ZNF592: variants seen among roughly 807,000 people sequenced by gnomAD.
ZNF592 encodes the protein zinc finger protein 592.
ZNF592 carries 11 observed loss-of-function variants against 80.3 expected under a neutral mutation model. The ratio of observed to expected loss-of-function variants is 0.14; its 90% CI spans 0.09 to 0.23. The LOEUF (loss-of-function observed/expected upper bound fraction) is 0.23, where lower values mean the gene tolerates loss of function less well. Ranked by LOEUF, ZNF592 falls within the 10% of genes least tolerant of loss-of-function variation. The pLI is 1.00. For missense variants in ZNF592, 1,420 were observed against 1,633.9 expected (o/e 0.87, Z 2.26); for synonymous variants, 646 against 640.3 (o/e 1.01, Z -0.13).
At chr15:84,782,282 G>A (rs1459898372) in intron 3 of ZNF592, among the ~76,000 whole-genome samples, 1 of 152,206 alleles carries the variant, frequency 6.6e-6, no homozygotes, top group East Asian at 1.9e-4. Flanking sequence ...TCTAAAGGCT[G>A]GAAGTGCTAA....
chr15:84,795,945 G>A (rs1044176738), intron 5 of ZNF592, among the ~76,000 whole-genome samples: 2 of 151,966 alleles, frequency 1.3e-5, no homozygotes, highest in South Asian at 2.1e-4. Flanking sequence ...TATGTGGGCC[G>A]TGAAAATGTA....
intron 4 of ZNF592, among the ~76,000 whole-genome samples, chr15:84,789,883 A>G (rs1050169513): frequency 6.6e-6 from 1 of 152,160 alleles, no homozygotes; most frequent in Non-Finnish European, 1.5e-5. Flanking sequence ...TCCAGCATGC[A>G]GGCACCAGCG....
At chr15:84,757,226 G>A (rs1204712040) in intron 1 of ZNF592, among the ~76,000 whole-genome samples, 1 of 152,060 alleles carries the variant, frequency 6.6e-6, no homozygotes, top group Admixed American at 6.6e-5. Flanking sequence ...AAAGTGCTGG[G>A]ATTACAGGCA....
chr15:84,756,360 C>A (rs1014590583), intron 1 of ZNF592, among the ~76,000 whole-genome samples: 1 of 152,260 alleles, frequency 6.6e-6, no homozygotes, highest in Non-Finnish European at 1.5e-5. Flanking sequence ...CAACATTCTA[C>A]TTTTTTGTCA....
rs542786785 is a variant in ZNF592, at chr15:84,799,599, C to T, written c.3138-243C>T. Among the ~76,000 whole-genome samples, 4 of 152,292 alleles carry T rather than the reference C, an allele frequency of 2.6e-5. No individual in the cohort carries two copies. Among genetic ancestry groups the T allele is most frequent in the Admixed American group, 6.5e-5 (1 of 15,306 alleles). Reference sequence around the variant, plus strand: ...CTAGCCTAGCACTTGGGTCTCTGGGCGGTGACATCAGGTAGTGTTCAGTGA... The same window carrying T: ...CTAGCCTAGCACTTGGGTCTCTGGGTGGTGACATCAGGTAGTGTTCAGTGA... On this transcript the variant is annotated intron_variant, in intron 9 of 10. Coordinates refer to ENST00000560079, the MANE Select transcript of ZNF592 (RefSeq NM_014630.3). The surrounding 1 kb of genome is among the most constrained non-coding windows in gnomAD (Gnocchi z 4.2).
In ZNF592 at chr15:84,798,683, T is replaced by C; in HGVS notation, c.2832T>C (p.Thr944=). 2 of 1,613,454 alleles carry C rather than the reference T, an allele frequency of 1.2e-6. No homozygotes were observed. Among genetic ancestry groups the C allele is most frequent in the Middle Eastern group, 1.7e-4 (1 of 6,060 alleles). ...GCCGCCCTGGCTCTCGAGTTCCCAC[T>C]GAGCCACCAGCCACTAGTGTGGCTG... The part of the protein sequence containing the change: ...SSSRPGSRVP[T]EPPATSVAAR... Residue 944 remains threonine, a synonymous_variant, in exon 8 of 11, where the codon ACT becomes ACC. Transcript: ENST00000560079. The surrounding 1 kb of genome is among the most constrained non-coding windows in gnomAD (Gnocchi z 4.5).
At chr15:84,791,151 A>G (rs948602805) in intron 5 of ZNF592, among the ~76,000 whole-genome samples, 2 of 152,250 alleles carry the variant, frequency 1.3e-5, no homozygotes, top group African/African-American at 4.8e-5. Context: ...TACTTTGTCT[A>G]TTTGGTTTTA....
Position 84,795,388 on chromosome 15 carries a change from T to C in ZNF592, c.2400-2481T>C, listed in dbSNP as rs954255529. Among the ~76,000 whole-genome samples the C allele has an allele frequency of 3.3e-5, 5 of 152,274 alleles. No individual in the cohort carries two copies. The South Asian group carries it at 8.3e-4, about 25-fold the overall frequency. On this transcript the variant is annotated intron_variant, in intron 5 of 10. Coordinates refer to ENST00000560079, the MANE Select transcript of ZNF592 (RefSeq NM_014630.3). The stretch of plus-strand genomic sequence containing the variant: ...TTGGCACTCTTTTCTGCATACTTTC[T>C]CATCAACTTGTAAACACCATTGGAT...
intron 2 of ZNF592, among the ~76,000 whole-genome samples, chr15:84,765,662 C>T (rs1476843715): frequency 6.6e-6 from 1 of 151,428 alleles, no homozygotes; most frequent in East Asian, 2.0e-4. Flanking sequence ...CCTCAGCCTC[C>T]TGAGTAGCTG....
intron 3 of ZNF592, among the ~76,000 whole-genome samples, chr15:84,781,831 G>T (rs1394669106): frequency 6.6e-6 from 1 of 152,170 alleles, no homozygotes; most frequent in Non-Finnish European, 1.5e-5. Flanking sequence ...TGTTTCCTCT[G>T]TTGCAGTAGT....
At chr15:84,764,485 A>T (rs1289109489) in intron 1 of ZNF592, among the ~76,000 whole-genome samples, 1 of 152,146 alleles carries the variant, frequency 6.6e-6, no homozygotes, top group Non-Finnish European at 1.5e-5. Flanking sequence ...CTGTGCTCTG[A>T]AGCACCAGCC....
intron 2 of ZNF592, among the ~76,000 whole-genome samples, chr15:84,773,173 C>T (rs1165113000): frequency 1.3e-5 from 2 of 150,044 alleles, no homozygotes; most frequent in African/African-American, 4.9e-5. Context: ...CTTTTGTCTA[C>T]ATCTTTTATT....
intron 2 of ZNF592, among the ~76,000 whole-genome samples, chr15:84,777,700 T>C (rs1281990897): frequency 7.2e-6 from 1 of 138,078 alleles, no homozygotes. Flanking sequence ...GATACTTTTT[T>C]TTTTTTTTTT....
At chr15:84,794,827 C>T (rs1191564550) in intron 5 of ZNF592, among the ~76,000 whole-genome samples, 1 of 152,108 alleles carries the variant, frequency 6.6e-6, no homozygotes, top group Non-Finnish European at 1.5e-5. Context: ...TTGCCCACTT[C>T]TGAATTGGGT....
At chr15:84,756,377 T>G (rs1899170592) in intron 1 of ZNF592, among the ~76,000 whole-genome samples, 1 of 152,248 alleles carries the variant, frequency 6.6e-6, no homozygotes, top group African/African-American at 2.4e-5. Context: ...GTCAGTTCAG[T>G]TCCTGAAATT....
intron 2 of ZNF592, among the ~76,000 whole-genome samples, chr15:84,775,343 A>AC (rs1260151497): frequency 6.6e-6 from 1 of 152,036 alleles, no homozygotes; most frequent in African/African-American, 2.4e-5. Flanking sequence ...CGATCTGCCC[A>AC]CCTCAACCTC....
intron 1 of ZNF592, among the ~76,000 whole-genome samples, chr15:84,760,115 T>A (rs1567059638): frequency 1.3e-5 from 2 of 149,274 alleles, no homozygotes; most frequent in African/African-American, 4.8e-5. Context: ...TGATAGAATT[T>A]GAGGATAAGT....
rs571381136 is a variant in ZNF592 at position 84,783,628 on chromosome 15, G to A, written c.953G>A (p.Ser318Asn). 3 of 1,614,238 alleles carry A rather than the reference G, an allele frequency of 1.9e-6. No homozygotes were observed. Among genetic ancestry groups the A allele is most frequent in the Admixed American group, 3.3e-5 (2 of 60,032 alleles). The change falls in exon 4 of 11, where the codon AGT becomes AAT. Residue 318 changes from serine (S) to asparagine (N), a missense_variant. Physicochemically the swap from Ser to Asn is conservative, Grantham distance 46. Transcript: ENST00000560079. This position sits in a 1 kb window ranked among gnomAD's most constrained non-coding sequence, Gnocchi z 5.0. ...GATCTCTCAGGGCCCACTAAAGAGA[G>A]TTCTAAAGGTAGCCCCAAAATGCCC... ...TKDLSGPTKE[S>N]SKGSPKMPKS...
intron 1 of ZNF592, among the ~76,000 whole-genome samples, chr15:84,749,299 G>C (rs1033729601): frequency 6.6e-6 from 1 of 152,198 alleles, no homozygotes; most frequent in African/African-American, 2.4e-5. Context: ...TGCCAACGAG[G>C]GGGTTGGCGG....
Sources: gnomAD v4.1 joint callset for allele counts (sites outside exome capture counted in the v4.1 genomes callset) on GRCh38, gnomAD v4.1.1 for gene constraint, Gnocchi (gnomAD v3.1) non-coding constraint, MANE v1.5 for transcripts, NCBI Gene and HGNC (gene_info 2026-07-23, HGNC 2026-07-21) for gene names.